IL13RA1: variants seen among roughly 807,000 people sequenced by gnomAD.
The protein encoded by IL13RA1 is interleukin-13 receptor subunit alpha-1.
Under a neutral mutation model 33.8 loss-of-function variants are expected in IL13RA1, and 14 were observed. That is an observed-to-expected ratio of 0.41 (90% confidence interval 0.27 to 0.65). The LOEUF is 0.65. Among genes scored for constraint, IL13RA1 ranks in the 30% least tolerant of loss-of-function variants. The probability of loss-of-function intolerance (pLI) is 0.28; values close to 1 mark genes in which losing one functional copy is unlikely to be tolerated. For synonymous variants in IL13RA1, 116 were observed against 115.7 expected (o/e 1.00, Z -0.02); for missense variants, 313 against 327.0 (o/e 0.96, Z 0.33).
intron 9 of IL13RA1, among the ~76,000 whole-genome samples, chrX:118,776,135 C>T (rs922012362): frequency 1.3e-4 from 14 of 111,715 alleles, no homozygotes; most frequent in Admixed American, 2.8e-4. Context: ...GAGCAAGCGC[C>T]CATCTGGTCT....
At chrX:118,771,712 T>C (rs2017723503) in intron 8 of IL13RA1, among the ~76,000 whole-genome samples, 1 of 112,612 alleles carries the variant, frequency 8.9e-6, no homozygotes, top group Non-Finnish European at 1.9e-5. Flanking sequence ...CCATGGCTCA[T>C]GCCTATAATC....
rs755257967 is a variant in IL13RA1 at position 118,748,929 on chromosome X, A to G, written c.368-729A>G. 9.9e-5 allele frequency among the ~76,000 whole-genome samples: 11 copies of G among 110,807 alleles called. No homozygotes were observed. The South Asian group carries it at 1.5e-3, about 16-fold the overall frequency. Reference sequence around the variant, plus strand: ...AGGAGGAATGTTTGTTTGTTTGTTTATTTAGAGACAGAGTCTTGTTCTGTT... The same window carrying G: ...AGGAGGAATGTTTGTTTGTTTGTTTGTTTAGAGACAGAGTCTTGTTCTGTT... On this transcript the variant is annotated intron_variant, in intron 3 of 10. Transcript: ENST00000371666.
At chrX:118,801,968 C>CT in the IL13RA1 span, among the ~76,000 whole-genome samples, 3 of 111,369 alleles carry the variant, frequency 2.7e-5, no homozygotes, top group Non-Finnish European at 5.7e-5. Context: ...TTTTTCTTTT[C>CT]TTTTTTCCAC....
chrX:118,765,254 A>T (rs2017634495), intron 6 of IL13RA1, among the ~76,000 whole-genome samples: 1 of 105,704 alleles, frequency 9.5e-6, no homozygotes, highest in Admixed American at 1.0e-4. Flanking sequence ...CATGCCATCA[A>T]GCCCAGCTTT....
chrX:118,788,090 G>C (rs2255275), intron 10 of IL13RA1, among the ~76,000 whole-genome samples: 18,939 of 111,464 alleles, frequency 0.17, 1,465 homozygotes, highest in East Asian at 0.43. Flanking sequence ...GCAGTAAAGA[G>C]AGGCGTAAGA....
At chrX:118,804,113 C>T in the IL13RA1 span, among the ~76,000 whole-genome samples, 1 of 108,096 alleles carries the variant, frequency 9.3e-6, no homozygotes, top group African/African-American at 3.4e-5. Flanking sequence ...CCCGCCACCA[C>T]GCCTGGCTAA....
intron 1 of IL13RA1, among the ~76,000 whole-genome samples, chrX:118,734,272 C>T (rs1041661655): frequency 3.0e-4 from 34 of 112,086 alleles, no homozygotes; most frequent in Admixed American, 1.1e-3. Flanking sequence ...ATATCATCTA[C>T]AAACAGAGAT....
chrX:118,737,009 G>A (rs976062608), intron 1 of IL13RA1, among the ~76,000 whole-genome samples: 1 of 112,684 alleles, frequency 8.9e-6, no homozygotes, highest in Non-Finnish European at 1.9e-5. Context: ...AGGGAAGAGC[G>A]CCATTCTTTT....
intron 2 of IL13RA1, among the ~76,000 whole-genome samples, chrX:118,746,622 A>G (rs769716189): frequency 1.8e-5 from 2 of 110,886 alleles, no homozygotes; most frequent in Non-Finnish European, 3.8e-5. Context: ...GGGTTTCTCA[A>G]TGGTGACACT....
chrX:118,784,127 A>ATGTG (rs1325190671), intron 10 of IL13RA1, among the ~76,000 whole-genome samples: 3 of 24,828 alleles, frequency 1.2e-4, no homozygotes, highest in Non-Finnish European at 2.0e-4. Flanking sequence ...ATGTATATAT[A>ATGTG]TGTATATATA....
At chrX:118,786,274 C>G (rs1220658705) in intron 10 of IL13RA1, among the ~76,000 whole-genome samples, 2 of 110,031 alleles carry the variant, frequency 1.8e-5, no homozygotes, top group African/African-American at 6.6e-5. Context: ...GCCTGTAATC[C>G]CAGCTACTTG....
At chrX:118,733,533 C>T (rs2017246478) in intron 1 of IL13RA1, among the ~76,000 whole-genome samples, 1 of 110,723 alleles carries the variant, frequency 9.0e-6, no homozygotes, top group Admixed American at 9.6e-5. Context: ...GATATTAATC[C>T]CTTATCAGAT....
chrX:118,799,398 G>C (rs776181549), downstream of IL13RA1, among the ~76,000 whole-genome samples: 22 of 113,272 alleles, frequency 1.9e-4, no homozygotes, highest in African/African-American at 6.1e-4. Context: ...CGGGATCCAC[G>C]AGGTGAAGCC....
intron 5 of IL13RA1, 46 bp downstream of exon 5, chrX:118,758,288 T>G (rs755884121): frequency 7.3e-6 from 4 of 546,346 alleles, no homozygotes; most frequent in East Asian, 6.7e-5. Flanking sequence ...AAAAGTGTGT[T>G]ATATCTTTTG....
In IL13RA1 at chrX:118,776,495, A is replaced by G. The variant is rs748830194; in HGVS notation, c.1175A>G (p.Gln392Arg). 1.7e-5 allele frequency: 14 copies of G among 832,134 alleles called. No homozygotes were observed. The highest frequency in any genetic ancestry group is 4.5e-5 in the Admixed American group (2 of 44,353). 68.6% of individuals were successfully genotyped at this position (832,134 alleles called of 1,213,427 possible). Reference protein sequence around the residue: ...GKIFKEMFGDQNDDTLHWKKY... With the variant: ...GKIFKEMFGDRNDDTLHWKKY... ...ATTTTTAAAGAAATGTTTGGAGACC[A>G]GAATGATGATACTCTGGTAAGAACA... The change falls in exon 10 of 11, where the codon CAG becomes CGG. Residue 392 changes from glutamine to arginine, a missense_variant. By Grantham distance (43) the Gln-to-Arg change is conservative. Transcript: ENST00000371666.
At chrX:118,779,647 A>G (rs2017821340) in intron 10 of IL13RA1, among the ~76,000 whole-genome samples, 1 of 111,757 alleles carries the variant, frequency 8.9e-6, no homozygotes, top group Admixed American at 9.6e-5. Context: ...CTTTTATAAT[A>G]AAAGAAACCC....
intron 8 of IL13RA1, chrX:118,770,752 G>T (rs944951890): frequency 3.4e-5 from 12 of 347,924 alleles, no homozygotes; most frequent in Non-Finnish European, 2.2e-5. Flanking sequence ...CCTGTGCATC[G>T]CCTATGTGGT....
downstream of IL13RA1, among the ~76,000 whole-genome samples, chrX:118,795,696 CAG>C (rs916659214): frequency 3.6e-5 from 4 of 112,072 alleles, no homozygotes; most frequent in Admixed American, 1.9e-4. Context: ...CACTTTGTCT[CAG>C]GGGTAGAGGA....
At position 118,780,202 on chromosome X, in the gene IL13RA1, A is replaced by G. The variant is rs1209617472; in HGVS notation, c.1191+3691A>G. ...AATCTGCTTTCTTCACATGGCATCAATTCTCACAAATTGAACTGCATATGC... is the reference window on the plus strand; with the variant it reads ...AATCTGCTTTCTTCACATGGCATCAGTTCTCACAAATTGAACTGCATATGC... On this transcript the variant is annotated intron_variant, in intron 10 of 10. Transcript: ENST00000371666. Among the ~76,000 whole-genome samples, 6 of 112,765 alleles carry G rather than the reference A, an allele frequency of 5.3e-5. No individual in the cohort carries two copies. In the South Asian group the frequency reaches 1.1e-3, roughly 21 times the overall value.
Sources: gnomAD v4.1 joint callset for allele counts (sites outside exome capture counted in the v4.1 genomes callset) on GRCh38, gnomAD v4.1.1 for gene constraint, MANE v1.5 for transcripts, NCBI Gene and HGNC (gene_info 2026-07-23, HGNC 2026-07-21) for gene names.